The following CATSPERB variants were observed in gnomAD, a reference collection of about 807,000 sequenced individuals.
CATSPERB encodes the protein catsper channel auxiliary subunit beta.
CATSPERB carries 93 observed loss-of-function variants against 128.3 expected under a neutral mutation model. The observed-to-expected ratio is 0.72, with a 90% confidence interval of 0.61 to 0.86. The LOEUF (loss-of-function observed/expected upper bound fraction) is 0.86. Among genes scored for constraint, CATSPERB ranks in the 40% least tolerant of loss-of-function variants. The pLI is 0.00. For missense variants in CATSPERB, 1,153 were observed against 1,329.5 expected, an observed-to-expected ratio of 0.87 and a Z score of 2.06; for synonymous variants, 381 against 448.8, an observed-to-expected ratio of 0.85 and a Z score of 1.91.
intron 22 of CATSPERB, among the ~76,000 whole-genome samples, chr14:91,600,002 A>T (rs1285587070): frequency 6.6e-6 from 1 of 152,252 alleles, no homozygotes; most frequent in African/African-American, 2.4e-5. Flanking sequence ...GAATGGATAT[A>T]GCACATTTTG....
At chr14:91,715,689 G>A (rs1247566904) in intron 5 of CATSPERB, among the ~76,000 whole-genome samples, 1 of 151,754 alleles carries the variant, frequency 6.6e-6, no homozygotes, top group African/African-American at 2.4e-5. Context: ...ACATAGAAAG[G>A]CAAAAGAACT....
chr14:91,660,085 A>G (rs1448339312), intron 14 of CATSPERB, 104 bp from the exon 15 acceptor site: 2 of 847,122 alleles, frequency 2.4e-6, no homozygotes, highest in East Asian at 2.6e-5. Flanking sequence ...GATCTTTTCC[A>G]TATGCCTACA....
chr14:91,596,827 G>A (rs147619075), intron 22 of CATSPERB, among the ~76,000 whole-genome samples: 35 of 151,928 alleles, frequency 2.3e-4, no homozygotes, highest in African/African-American at 7.5e-4. Context: ...GCCAAGTTAT[G>A]TCATTTTTGG....
chr14:91,608,488 T>C (rs1178255907), intron 21 of CATSPERB, 84 bp from the exon 22 acceptor site: 5 of 851,298 alleles, frequency 5.9e-6, no homozygotes, highest in Non-Finnish European at 7.3e-6. Flanking sequence ...AGAAAACCAA[T>C]CAAGGCAAAA....
chr14:91,729,621 C>T (rs1896180840), intron 1 of CATSPERB, 142 bp from the exon 2 acceptor site: 1 of 490,266 alleles, frequency 2.0e-6, no homozygotes, highest in Non-Finnish European at 3.6e-6. Flanking sequence ...GCAGACAACA[C>T]AACAGTTGCC....
At chr14:91,695,509 T>C (rs895487276) in intron 7 of CATSPERB, among the ~76,000 whole-genome samples, 1 of 152,214 alleles carries the variant, frequency 6.6e-6, no homozygotes, top group Non-Finnish European at 1.5e-5. Flanking sequence ...AAAAAAACAC[T>C]ATTTAATGGA....
intron 15 of CATSPERB, among the ~76,000 whole-genome samples, chr14:91,657,667 C>T (rs1205941307): frequency 2.6e-5 from 4 of 151,972 alleles, no homozygotes; most frequent in Admixed American, 1.3e-4. Flanking sequence ...TCAAACAACT[C>T]AATAGGAAAA....
rs1310781114 is a variant in CATSPERB at position 91,701,003 on chromosome 14, A to G, written c.616+3549T>C. The stretch of plus-strand genomic sequence containing the variant: ...CAATTATTAAATTAAAAATTTTAAG[A>G]AGAATATTGCCATAGGAGTAAGATA... On this transcript the variant is annotated intron_variant, in intron 7 of 26. Transcript: ENST00000256343. Among the ~76,000 whole-genome samples, 3 of 152,218 alleles carry G rather than the reference A, an allele frequency of 2.0e-5. No individual in the cohort carries two copies. The South Asian group carries it at 6.2e-4, about 32-fold the overall frequency.
At chr14:91,613,297 G>A (rs1232404465) in intron 20 of CATSPERB, among the ~76,000 whole-genome samples, 2 of 151,970 alleles carry the variant, frequency 1.3e-5, no homozygotes, top group Non-Finnish European at 2.9e-5. Flanking sequence ...ATGGATGTAT[G>A]GAAGTTCTAC....
chr14:91,656,335 GA>G (rs1894787601), intron 15 of CATSPERB, among the ~76,000 whole-genome samples: 1 of 151,918 alleles, frequency 6.6e-6, no homozygotes, highest in Admixed American at 6.6e-5. Context: ...ATGTTGAGTA[GA>G]AAAACTAAAA....
At chr14:91,717,006 C>T (rs1446401167) in intron 5 of CATSPERB, among the ~76,000 whole-genome samples, 1 of 152,124 alleles carries the variant, frequency 6.6e-6, no homozygotes, top group Non-Finnish European at 1.5e-5. Flanking sequence ...AACCCAAATG[C>T]CCTTCAACAA....
At chr14:91,654,328 G>C (rs568473018) in intron 15 of CATSPERB, among the ~76,000 whole-genome samples, 1 of 152,246 alleles carries the variant, frequency 6.6e-6, no homozygotes, top group African/African-American at 2.4e-5. Context: ...CCAGGACTTG[G>C]CTCTTGTGTG....
chr14:91,639,711 C>T (rs927684168), intron 15 of CATSPERB, among the ~76,000 whole-genome samples: 30 of 152,278 alleles, frequency 2.0e-4, no homozygotes, highest in Admixed American at 1.0e-3. Context: ...TAGGGCGCCA[C>T]GTTGAGAGGC....
chr14:91,626,946 T>A (rs1894175376), intron 17 of CATSPERB, among the ~76,000 whole-genome samples: 1 of 152,198 alleles, frequency 6.6e-6, no homozygotes, highest in African/African-American at 2.4e-5. Flanking sequence ...CATTAAGTAA[T>A]TTGGATAAAA....
rs1894047986 is a variant in CATSPERB, at chr14:91,621,732, T to G, written c.2136A>C (p.Lys712Asn). ...AATAATTACATGGTTTTGAATATAT[T>G]TTCCATGTTCGTCCATTCCTTTGCC... ...NFGQRNGRTW[K>N]IYSKPCNYWF... The change falls in exon 19 of 27, where the codon AAA becomes AAC. Residue 712 changes from lysine (K) to asparagine (N), a missense_variant. Coordinates refer to ENST00000256343, the MANE Select transcript of CATSPERB (RefSeq NM_024764.4). The G allele has an allele frequency of 2.5e-6, 4 of 1,613,950 alleles. No homozygotes were observed. The highest frequency in any genetic ancestry group is 2.7e-5 in the African/African-American group (2 of 74,934).
intron 7 of CATSPERB, among the ~76,000 whole-genome samples, chr14:91,696,226 G>A (rs189082807): frequency 6.6e-6 from 1 of 152,298 alleles, no homozygotes; most frequent in East Asian, 1.9e-4. Context: ...CTTAAGGAAG[G>A]ACAGTCAAAA....
At chr14:91,616,062 G>A (rs1209015412) in intron 20 of CATSPERB, among the ~76,000 whole-genome samples, 1 of 151,914 alleles carries the variant, frequency 6.6e-6, no homozygotes, top group Non-Finnish European at 1.5e-5. Flanking sequence ...TGTATTTTTA[G>A]TAGAGATGGG....
chr14:91,681,109 A>T (rs1301355623), intron 11 of CATSPERB, among the ~76,000 whole-genome samples: 1 of 152,204 alleles, frequency 6.6e-6, no homozygotes, highest in Non-Finnish European at 1.5e-5. Context: ...TGTCAGGACC[A>T]CTTTCATAAA....
intron 15 of CATSPERB, among the ~76,000 whole-genome samples, chr14:91,653,066 C>T (rs888822983): frequency 6.6e-6 from 1 of 152,136 alleles, no homozygotes; most frequent in African/African-American, 2.4e-5. Flanking sequence ...TGCTGGTGAA[C>T]ATCAAGGACA....
Sources: allele counts gnomAD v4.1 joint callset (sites outside exome capture counted in the v4.1 genomes callset), GRCh38; gene constraint gnomAD v4.1.1; transcripts MANE v1.5; gene names NCBI Gene and HGNC (gene_info 2026-07-23, HGNC 2026-07-21).